Variants in EPHA5 observed in about 807,000 individuals in gnomAD.
EPHA5 encodes EPH receptor A5.
EPHA5 carries 60 observed loss-of-function variants against 105.0 expected under a neutral mutation model. That is an observed-to-expected ratio of 0.57 (90% CI 0.46 to 0.71). The LOEUF is 0.71. Among genes scored for constraint, EPHA5 ranks in the 30% least tolerant of loss-of-function variants. The pLI, the probability that EPHA5 is intolerant of heterozygous loss-of-function variation, is 0.00. For missense variants in EPHA5, 1,218 were observed against 1,274.7 expected, an observed-to-expected ratio of 0.96 and a Z score of 0.68; for synonymous variants, 513 against 449.1, an observed-to-expected ratio of 1.14 and a Z score of -1.80.
At chr4:65,627,300 C>T (rs1368372009) in intron 2 of EPHA5, among the ~76,000 whole-genome samples, 1 of 152,050 alleles carries the variant, frequency 6.6e-6, no homozygotes, top group African/African-American at 2.4e-5. Flanking sequence ...TAAAATGTTT[C>T]CTGATCAAAT....
intron 8 of EPHA5, among the ~76,000 whole-genome samples, chr4:65,397,896 AG>A (rs2148972282): frequency 6.6e-6 from 1 of 152,178 alleles, no homozygotes; most frequent in South Asian, 2.1e-4. Context: ...ACCTCTTCAG[AG>A]GGGGGACTGA....
At chr4:65,596,737 T>G (rs1368237696) in intron 3 of EPHA5, among the ~76,000 whole-genome samples, 1 of 151,866 alleles carries the variant, frequency 6.6e-6, no homozygotes, top group Admixed American at 6.6e-5. Context: ...ACCATTGATA[T>G]TCTGTACTTC....
At chr4:65,432,369 C>T (rs1578104797) in intron 5 of EPHA5, among the ~76,000 whole-genome samples, 1 of 152,036 alleles carries the variant, frequency 6.6e-6, no homozygotes, top group African/African-American at 2.4e-5. Context: ...GAGTAACCTG[C>T]GCTCCAATAA....
intron 5 of EPHA5, among the ~76,000 whole-genome samples, chr4:65,481,107 C>T (rs2149187784): frequency 6.6e-6 from 1 of 152,182 alleles, no homozygotes; most frequent in South Asian, 2.1e-4. Flanking sequence ...CCACCATAAA[C>T]TCATGAGAAA....
At chr4:65,654,822 A>G (rs1318964247) in intron 1 of EPHA5, among the ~76,000 whole-genome samples, 1 of 147,218 alleles carries the variant, frequency 6.8e-6, no homozygotes, top group Non-Finnish European at 1.5e-5. Context: ...GGATATAACT[A>G]TCTAAACTAA....
In EPHA5 at chr4:65,513,645, C is replaced by A. The variant is rs547148033; in HGVS notation, c.911-18102G>T. Among the ~76,000 whole-genome samples the A allele has an allele frequency of 7.9e-4, 121 of 152,296 alleles. 2 individuals carry two copies. The highest frequency in any genetic ancestry group is 2.7e-3 in the African/African-American group (114 of 41,552). On this transcript the variant is annotated intron_variant, in intron 3 of 16. Coordinates refer to ENST00000613740, the MANE Select transcript of EPHA5 (RefSeq NM_001281766.3). ...TTGTGATCCGCCTGCCTCTGCCTCC[C>A]AAAGTGCTGGGATTGCAGGCATGAG...
intron 8 of EPHA5, among the ~76,000 whole-genome samples, chr4:65,396,685 A>T (rs551613077): frequency 9.6e-4 from 146 of 152,286 alleles, no homozygotes; most frequent in African/African-American, 3.3e-3. Flanking sequence ...TAGAACAGGG[A>T]TTAGATGAAA....
chr4:65,420,738 T>A (rs1723870642), intron 5 of EPHA5, among the ~76,000 whole-genome samples, 173 bp from the exon 6 acceptor site: 1 of 152,144 alleles, frequency 6.6e-6, no homozygotes, highest in Non-Finnish European at 1.5e-5. Flanking sequence ...TTTACAAATA[T>A]AAATCAGCTA....
intron 3 of EPHA5, among the ~76,000 whole-genome samples, chr4:65,524,106 C>G (rs1424515626): frequency 1.3e-5 from 2 of 151,758 alleles, no homozygotes; most frequent in East Asian, 3.9e-4. Flanking sequence ...TTTTCTTTTA[C>G]TATATTCCTG....
intron 7 of EPHA5, among the ~76,000 whole-genome samples, chr4:65,407,499 AAG>A (rs1560504148): frequency 2.1e-5 from 2 of 94,764 alleles, no homozygotes; most frequent in South Asian, 1.1e-3. Flanking sequence ...TGACATTCAA[AAG>A]ACTGTTAAAA....
At chr4:65,416,715 GTTCC>G (rs1209818603) in intron 6 of EPHA5, among the ~76,000 whole-genome samples, 2 of 152,108 alleles carry the variant, frequency 1.3e-5, no homozygotes, top group East Asian at 3.9e-4. Context: ...TGTCTCAGTT[GTTCC>G]TTAGCTAGAG....
rs375646836 is a variant in EPHA5, at chr4:65,434,697, C to G, written c.1403-14132G>C. Among the ~76,000 whole-genome samples the G allele has an allele frequency of 3.3e-5, 5 of 152,184 alleles. No homozygotes were observed. The South Asian group carries it at 1.0e-3, about 32-fold the overall frequency. On this transcript the variant is annotated intron_variant, in intron 5 of 16. Coordinates refer to ENST00000613740, the MANE Select transcript of EPHA5 (RefSeq NM_001281766.3). The stretch of plus-strand genomic sequence containing the variant: ...CACTTCCCTTTTACATAAATTAATG[C>G]AACTTTTCATCAAATGTTTCAAAAT...
intron 3 of EPHA5, among the ~76,000 whole-genome samples, chr4:65,532,643 G>T (rs1578355511): frequency 2.4e-5 from 3 of 127,096 alleles, no homozygotes; most frequent in African/African-American, 5.8e-5. Flanking sequence ...AATTTTCGTT[G>T]AATCTCTCAC....
intron 8 of EPHA5, among the ~76,000 whole-genome samples, chr4:65,375,468 T>C (rs1206133188): frequency 2.6e-5 from 4 of 151,822 alleles, no homozygotes; most frequent in Non-Finnish European, 5.9e-5. Flanking sequence ...TCTATTCGTT[T>C]TATAAACCAC....
intron 2 of EPHA5, among the ~76,000 whole-genome samples, chr4:65,643,110 A>T (rs535842693): frequency 6.6e-6 from 1 of 152,046 alleles, no homozygotes; most frequent in South Asian, 2.1e-4. Flanking sequence ...ATGCTGAAGG[A>T]AACTTCACAT....
intron 8 of EPHA5, among the ~76,000 whole-genome samples, chr4:65,399,790 C>G (rs1176476776): frequency 1.3e-5 from 2 of 152,068 alleles, no homozygotes; most frequent in Admixed American, 6.5e-5. Context: ...TTCAGGATCA[C>G]ATAATAAATC....
chr4:65,420,262 G>C (rs1176679186), intron 6 of EPHA5, among the ~76,000 whole-genome samples, 179 bp downstream of exon 6: 1 of 152,092 alleles, frequency 6.6e-6, no homozygotes, highest in Non-Finnish European at 1.5e-5. Flanking sequence ...TGTGGCAGCA[G>C]CAGAACATGA....
At chr4:65,325,820 G>A (rs1360968445) in intron 16 of EPHA5, among the ~76,000 whole-genome samples, 5 of 150,960 alleles carry the variant, frequency 3.3e-5, no homozygotes, top group Non-Finnish European at 7.4e-5. Context: ...TCTTTGGCTG[G>A]ATAATTCTTT....
intron 16 of EPHA5, among the ~76,000 whole-genome samples, chr4:65,330,163 CTT>C (rs1012139705): frequency 1.3e-5 from 2 of 151,266 alleles, no homozygotes; most frequent in Non-Finnish European, 3.0e-5. Context: ...CCCAATGTAA[CTT>C]TACTCTTCTG....
Sources: gnomAD v4.1 joint callset for allele counts (sites outside exome capture counted in the v4.1 genomes callset) on GRCh38, gnomAD v4.1.1 for gene constraint, MANE v1.5 for transcripts, NCBI Gene and HGNC (gene_info 2026-07-23, HGNC 2026-07-21) for gene names.